Variants in NRF1 observed in about 807,000 individuals in gnomAD.
NRF1 encodes the protein alpha palindromic-binding protein.
NRF1 carries 5 observed loss-of-function variants against 58.5 expected under a neutral mutation model. That is an observed-to-expected ratio of 0.09 (90% confidence interval 0.04 to 0.18). The LOEUF is 0.18. Ranked by LOEUF, NRF1 falls within the 10% of genes least tolerant of loss-of-function variation. The probability of loss-of-function intolerance (pLI) is 1.00; values close to 1 mark genes in which losing one functional copy is unlikely to be tolerated. For missense variants in NRF1, 288 were observed against 657.7 expected (o/e 0.44, Z 6.15); for synonymous variants, 224 against 246.7 (o/e 0.91, Z 0.86).
intron 10 of NRF1, among the ~76,000 whole-genome samples, chr7:129,752,647 T>C (rs935988670): frequency 8.6e-5 from 13 of 151,158 alleles, no homozygotes. Flanking sequence ...AGCTCAGGAG[T>C]TCAAGACCAA....
At chr7:129,727,502 G>C in intron 10 of NRF1, 137 bp downstream of exon 10, 1 of 772,156 alleles carries the variant, frequency 1.3e-6, no homozygotes, top group Non-Finnish European at 1.9e-6. Context: ...TTCATGCCTA[G>C]GAATATTCTG....
chr7:129,660,251 T>A (rs1680885947), intron 2 of NRF1, among the ~76,000 whole-genome samples: 1 of 151,432 alleles, frequency 6.6e-6, no homozygotes, highest in South Asian at 2.1e-4. Context: ...CAAGATGAGA[T>A]TTGAGTGGGG....
At chr7:129,693,588 T>A (rs1802617784) in intron 5 of NRF1, among the ~76,000 whole-genome samples, 1 of 152,144 alleles carries the variant, frequency 6.6e-6, no homozygotes, top group African/African-American at 2.4e-5. Flanking sequence ...GTTAGTGTAT[T>A]TTATGTGTGG....
intron 4 of NRF1, among the ~76,000 whole-genome samples, chr7:129,687,864 GGTTAC>G (rs1802478176): frequency 6.6e-6 from 1 of 152,202 alleles, no homozygotes; most frequent in Non-Finnish European, 1.5e-5. Flanking sequence ...ATTCTGAGAA[GGTTAC>G]TTAACTTTAG....
chr7:129,624,727 C>T (rs367730621), intron 1 of NRF1, among the ~76,000 whole-genome samples: 1 of 152,124 alleles, frequency 6.6e-6, no homozygotes, highest in East Asian at 1.9e-4. Flanking sequence ...GTTGCCCAGG[C>T]TGCTCTCAGA....
chr7:129,646,221 C>T (rs1801402898), intron 1 of NRF1, among the ~76,000 whole-genome samples: 1 of 152,196 alleles, frequency 6.6e-6, no homozygotes, highest in African/African-American at 2.4e-5. Context: ...TGTCTGAAAA[C>T]AGAAACTCTA....
intron 10 of NRF1, among the ~76,000 whole-genome samples, chr7:129,734,372 G>A (rs1012806649): frequency 6.6e-6 from 1 of 152,198 alleles, no homozygotes; most frequent in African/African-American, 2.4e-5. Context: ...GTACTACACT[G>A]TCTCCCTTTG....
chr7:129,635,019 C>T (rs1299989645), intron 1 of NRF1, among the ~76,000 whole-genome samples: 1 of 151,714 alleles, frequency 6.6e-6, no homozygotes, highest in African/African-American at 2.4e-5. Context: ...CTTGCTTTAC[C>T]AGTTCTGCTT....
intron 4 of NRF1, among the ~76,000 whole-genome samples, chr7:129,684,346 A>C (rs1201546555): frequency 6.6e-6 from 1 of 152,240 alleles, no homozygotes; most frequent in Non-Finnish European, 1.5e-5. Context: ...GAGATTGAAA[A>C]TTGTAAGAAA....
intron 9 of NRF1, among the ~76,000 whole-genome samples, chr7:129,726,637 A>C (rs982846630): frequency 5.9e-5 from 9 of 152,222 alleles, no homozygotes; most frequent in Admixed American, 5.9e-4. Flanking sequence ...CTGGATATAC[A>C]GTGAGTCAAA....
intron 10 of NRF1, among the ~76,000 whole-genome samples, chr7:129,749,396 C>G (rs985610621): frequency 6.7e-6 from 1 of 149,808 alleles, no homozygotes; most frequent in Non-Finnish European, 1.5e-5. Context: ...TTGGGAAAAG[C>G]ATGTTTCACC....
chr7:129,627,507 A>C (rs1352187877), intron 1 of NRF1, among the ~76,000 whole-genome samples: 1 of 152,122 alleles, frequency 6.6e-6, no homozygotes, highest in Non-Finnish European at 1.5e-5. Context: ...TTGCCCAGCA[A>C]AAGTGCTTTT....
intron 10 of NRF1, among the ~76,000 whole-genome samples, chr7:129,748,223 C>T (rs1158010429): frequency 3.1e-5 from 4 of 127,948 alleles, no homozygotes; most frequent in East Asian, 2.4e-4. Flanking sequence ...TGCAGTGAGC[C>T]GAGATCAGGC....
At chr7:129,722,262 A>G (rs1036424045) in intron 9 of NRF1, among the ~76,000 whole-genome samples, 28 of 151,962 alleles carry the variant, frequency 1.8e-4, no homozygotes, top group African/African-American at 6.3e-4. Context: ...GTGGTGGTGC[A>G]TGCCTGTAAT....
intron 9 of NRF1, among the ~76,000 whole-genome samples, chr7:129,725,804 A>T (rs747643118): frequency 6.6e-6 from 1 of 152,250 alleles, no homozygotes; most frequent in Non-Finnish European, 1.5e-5. Context: ...AAAGCAAGAC[A>T]AATTAGTAAG....
Position 129,743,762 on chromosome 7 carries a change from A to G in NRF1, c.1349-11256A>G, listed in dbSNP as rs527977808. On this transcript the variant is annotated intron_variant, in intron 10 of 10. Coordinates refer to ENST00000393232, the MANE Select transcript of NRF1 (RefSeq NM_005011.5). ...GTGACACATTTTAAATCCTTGGGCA[A>G]TTTCTCTGAGCGAGCCAGTGTAAGC... is the stretch of plus-strand genomic sequence containing the variant. 2.6e-5 allele frequency among the ~76,000 whole-genome samples: 4 copies of G among 152,272 alleles called. No individual in the cohort carries two copies. The East Asian group carries it at 5.8e-4, about 22-fold the overall frequency.
chr7:129,654,186 T>G (rs907347619), intron 1 of NRF1, among the ~76,000 whole-genome samples: 9 of 152,242 alleles, frequency 5.9e-5, no homozygotes, highest in African/African-American at 2.2e-4. Context: ...CGTAGTGATA[T>G]CTCACTGTTT....
chr7:129,628,854 A>G (rs1175558907), intron 1 of NRF1, among the ~76,000 whole-genome samples: 1 of 152,228 alleles, frequency 6.6e-6, no homozygotes, highest in African/African-American at 2.4e-5. Context: ...ATGAATGGAT[A>G]TTTTAACTGA....
rs189318563 is a variant in NRF1 at position 129,709,240 on chromosome 7, G to A, written c.765+7G>A. The A allele has an allele frequency of 2.7e-3, 3,909 of 1,459,780 alleles. 8 individuals are homozygous for A. Among genetic ancestry groups the A allele is most frequent in the Non-Finnish European group, 3.2e-3 (3,502 of 1,095,990 alleles). 90.4% of individuals were successfully genotyped at this position (1,459,780 alleles called of 1,614,324 possible). A position where few individuals can be genotyped will look rare whatever the true frequency, so the allele number is the denominator to read the frequency against. ...AGAAGAGCAAAAGCAGAGGGTGAGA[G>A]TTCCTCTGACTGAGTTGCCTGGTTG... On this transcript the variant is annotated splice_region_variant and intron_variant, in intron 6 of 10. Transcript: ENST00000393232.
Sources: gnomAD v4.1 joint callset for allele counts (sites outside exome capture counted in the v4.1 genomes callset) on GRCh38, gnomAD v4.1.1 for gene constraint, MANE v1.5 for transcripts, NCBI Gene and HGNC (gene_info 2026-07-23, HGNC 2026-07-21) for gene names.